SLC37A1: variants seen among roughly 807,000 people sequenced by gnomAD.
SLC37A1 encodes solute carrier family 37 member 1, also known as glucose-6-phosphate exchanger SLC37A1.
In SLC37A1, 49 loss-of-function variants were observed where a neutral mutation model predicts 75.3. The ratio of observed to expected loss-of-function variants is 0.65; its 90% CI spans 0.52 to 0.83. SLC37A1 has a LOEUF of 0.83. Among genes scored for constraint, SLC37A1 ranks in the 40% least tolerant of loss-of-function variants. The pLI, the probability that SLC37A1 is intolerant of heterozygous loss-of-function variation, is 0.00. For synonymous variants in SLC37A1, 268 were observed against 292.1 expected (o/e 0.92, Z 0.84); for missense variants, 566 against 695.0 (o/e 0.81, Z 2.09).
chr21:42,558,692 T>C (rs2055750589), intron 10 of SLC37A1, among the ~76,000 whole-genome samples: 1 of 152,248 alleles, frequency 6.6e-6, no homozygotes, highest in Non-Finnish European at 1.5e-5. Flanking sequence ...TTTATAAGTA[T>C]CTTTTTACTT....
chr21:42,547,276 T>C lies in SLC37A1; in HGVS notation c.768+136T>C. On this transcript the variant is annotated intron_variant, in intron 9 of 19. Coordinates refer to ENST00000352133, the MANE Select transcript of SLC37A1 (RefSeq NM_001320537.2). This position sits in a 1 kb window ranked among gnomAD's most constrained non-coding sequence, Gnocchi z 6.1. ...AGTCCCACCCTCAAAACATTGGCAG[T>C]TCTAGGAATAGAGAATATTCTGTTT... is the stretch of plus-strand genomic sequence containing the variant. The C allele has an allele frequency of 1.1e-6, 1 of 914,498 alleles. No individual in the cohort carries two copies. Among genetic ancestry groups the C allele is most frequent in the African/African-American group, 1.7e-5 (1 of 60,574 alleles). 56.6% of individuals were successfully genotyped at this position (914,498 alleles called of 1,614,324 possible).
intron 17 of SLC37A1, among the ~76,000 whole-genome samples, chr21:42,574,592 T>TA (rs2056264698): frequency 6.6e-6 from 1 of 152,216 alleles, no homozygotes; most frequent in Non-Finnish European, 1.5e-5. Context: ...CTCAAAAAGT[T>TA]ACAAATTCTG....
At chr21:42,565,583 A>G (rs884982) in intron 14 of SLC37A1, among the ~76,000 whole-genome samples, 114,349 of 152,186 alleles carry the variant, frequency 0.75, 44,079 homozygotes, top group African/African-American at 0.86. Flanking sequence ...TGGGGGTGTA[A>G]GGTGGGAGCA....
rs1446009877 is a variant in SLC37A1 at position 42,552,539 on chromosome 21, C to T, written c.769-1523C>T. On this transcript the variant is annotated intron_variant, in intron 9 of 19. Transcript: ENST00000352133. This position sits in a 1 kb window ranked among gnomAD's most constrained non-coding sequence, Gnocchi z 4.2. ...TCCAACCAATTAGAACAGTGCCAGG[C>T]ACAGAGTTGATGCTTAATAATTATT... Among the ~76,000 whole-genome samples, 7 of 152,328 alleles carry T rather than the reference C, an allele frequency of 4.6e-5. No individual in the cohort carries two copies. The highest frequency in any genetic ancestry group is 2.6e-4 in the Admixed American group (4 of 15,306).
chr21:42,534,666 C>G, intron 3 of SLC37A1, 32 bp from the exon 4 acceptor site: 4 of 1,597,442 alleles, frequency 2.5e-6, no homozygotes, highest in Non-Finnish European at 3.4e-6. Flanking sequence ...GGCACTTCCT[C>G]TCCCTGCTTC....
chr21:42,500,799 G>A (rs1156274400), intron 1 of SLC37A1, among the ~76,000 whole-genome samples: 1 of 152,196 alleles, frequency 6.6e-6, no homozygotes, highest in Non-Finnish European at 1.5e-5. Context: ...ATATAGACAG[G>A]TAGATTCTTA....
chr21:42,548,932 G>A lies in SLC37A1; in HGVS notation c.768+1792G>A, dbSNP rs1265867082. 1.3e-5 allele frequency among the ~76,000 whole-genome samples: 2 copies of A among 152,098 alleles called. No individual in the cohort carries two copies. The highest frequency in any genetic ancestry group is 4.8e-5 in the African/African-American group (2 of 41,410). On this transcript the variant is annotated intron_variant, in intron 9 of 19. Transcript: ENST00000352133. This position sits in a 1 kb window ranked among gnomAD's most constrained non-coding sequence, Gnocchi z 5.6. ...TCGGGCTCCTGGGTGTGATTCATAT[G>A]GAAAGAAGGGTTCTGATACTTGATG...
At chr21:42,558,892 C>T in intron 10 of SLC37A1, 66 bp from the exon 11 acceptor site, 1 of 1,605,046 alleles carries the variant, frequency 6.2e-7, no homozygotes, top group Non-Finnish European at 8.5e-7. Flanking sequence ...AAGCCTGGCC[C>T]CACTTCACCC....
chr21:42,519,319 G>A (rs1339623174), intron 2 of SLC37A1, among the ~76,000 whole-genome samples: 3 of 152,156 alleles, frequency 2.0e-5, no homozygotes, highest in African/African-American at 7.2e-5. Context: ...GTGGGCAAAC[G>A]AATGGCTTTT....
chr21:42,575,164 C>T lies in SLC37A1; in HGVS notation c.1521+249C>T, dbSNP rs551006710. 97 of 985,234 alleles carry T rather than the reference C, an allele frequency of 9.8e-5. 1 individual carries two copies. The South Asian group carries it at 1.9e-3, about 20-fold the overall frequency. The allele number at this position is 985,234 out of a possible 1,614,324, so 61.0% of individuals were successfully genotyped here. ...CACAAAGGCCAGGAGCGTGGAGCTC[C>T]GTGGCTCTAGATCCTGCCTGTCACC... On this transcript the variant is annotated intron_variant, in intron 18 of 19. Coordinates refer to ENST00000352133, the MANE Select transcript of SLC37A1 (RefSeq NM_001320537.2).
intron 11 of SLC37A1, among the ~76,000 whole-genome samples, chr21:42,561,090 G>A (rs111230466): frequency 6.6e-6 from 1 of 152,168 alleles, no homozygotes. Flanking sequence ...AAAGGCATAC[G>A]GTAAATTACA....
chr21:42,515,669 T>C (rs2054510392), intron 1 of SLC37A1, among the ~76,000 whole-genome samples: 1 of 152,212 alleles, frequency 6.6e-6, no homozygotes, highest in Admixed American at 6.5e-5. Context: ...CAGAGTCTGT[T>C]TGTTTTTTTA....
At position 42,543,729 on chromosome 21, in the gene SLC37A1, C is replaced by T. The variant is rs531055110; in HGVS notation, c.730+127C>T. ...CCCTGTTTGCCCGTGGCTGCCTCAG[C>T]GCTCTTCTTACCAGGGAGACTTCCC... On this transcript the variant is annotated intron_variant, in intron 8 of 19. Coordinates refer to ENST00000352133, the MANE Select transcript of SLC37A1 (RefSeq NM_001320537.2). 26 of 910,234 alleles carry T rather than the reference C, an allele frequency of 2.9e-5. 1 individual carries two copies. Among genetic ancestry groups the T allele is most frequent in the African/African-American group, 6.7e-5 (4 of 59,342 alleles). The allele number at this position is 910,234 out of a possible 1,614,324, so 56.4% of individuals were successfully genotyped here.
intron 3 of SLC37A1, among the ~76,000 whole-genome samples, chr21:42,528,948 A>C (rs761419804): frequency 2.0e-5 from 3 of 152,258 alleles, no homozygotes; most frequent in Non-Finnish European, 4.4e-5. Context: ...CCCAGTGTTA[A>C]TATTTAAATA....
intron 3 of SLC37A1, among the ~76,000 whole-genome samples, chr21:42,526,251 G>A (rs1191745183): frequency 6.6e-6 from 1 of 152,182 alleles, no homozygotes; most frequent in Non-Finnish European, 1.5e-5. Context: ...TTGGAACGCT[G>A]CATTTTTGTC....
At chr21:42,500,168 G>A (rs886087179) in intron 1 of SLC37A1, among the ~76,000 whole-genome samples, 3 of 152,108 alleles carry the variant, frequency 2.0e-5, no homozygotes, top group African/African-American at 4.8e-5. Context: ...AATGAGTTCA[G>A]GTCCATCTTA....
Position 42,562,168 on chromosome 21 carries a change from G to A in SLC37A1, c.1072G>A (p.Asp358Asn). ...FWLPLYITNV[D>N]HLDAKKAGEL... ...GCTGCCCCTGTACATCACGAATGTG[G>A]GTGAGTATCCACGCTAGAACACATT... The change falls in exon 12 of 20, where the codon GAT becomes AAT. Residue 358 changes from aspartate (D) to asparagine (N), a missense_variant and splice_region_variant. Transcript: ENST00000352133. 2 of 1,613,794 alleles carry A rather than the reference G, an allele frequency of 1.2e-6. No individual in the cohort carries two copies. The highest frequency in any genetic ancestry group is 1.7e-6 in the Non-Finnish European group (2 of 1,179,734).
upstream of SLC37A1, among the ~76,000 whole-genome samples, chr21:42,510,750 C>A (rs1477404506): frequency 6.6e-6 from 1 of 152,104 alleles, no homozygotes; most frequent in South Asian, 2.1e-4. Flanking sequence ...AAGTCAAAAA[C>A]TTCATAAGAG....
intron 1 of SLC37A1, among the ~76,000 whole-genome samples, chr21:42,516,245 T>C (rs1315465403): frequency 6.6e-6 from 1 of 152,230 alleles, no homozygotes; most frequent in Non-Finnish European, 1.5e-5. Flanking sequence ...CTGCTGCCCT[T>C]TCTCTGCAGG....
Sources: allele counts gnomAD v4.1 joint callset (sites outside exome capture counted in the v4.1 genomes callset), GRCh38; gene constraint gnomAD v4.1.1; non-coding constraint Gnocchi (gnomAD v3.1); transcripts MANE v1.5; gene names NCBI Gene and HGNC (gene_info 2026-07-23, HGNC 2026-07-21).